CTBP2: variants seen among roughly 807,000 people sequenced by gnomAD.
CTBP2 encodes the protein C-terminal binding protein 2.
Under a neutral mutation model 80.3 loss-of-function variants are expected in CTBP2, and 30 were observed. The ratio of observed to expected loss-of-function variants is 0.37; its 90% CI spans 0.28 to 0.51. CTBP2 has a LOEUF of 0.51. Ranked by LOEUF, CTBP2 falls within the 20% of genes least tolerant of loss-of-function variation. The probability of loss-of-function intolerance (pLI) is 0.93; values close to 1 mark genes in which losing one functional copy is unlikely to be tolerated. For synonymous variants in CTBP2, 594 were observed against 587.4 expected (o/e 1.01, Z -0.16); for missense variants, 1,212 against 1,375.3 (o/e 0.88, Z 1.88).
At chr10:125,067,110 T>A (rs1158082480) in intron 2 of CTBP2, among the ~76,000 whole-genome samples, 1 of 152,184 alleles carries the variant, frequency 6.6e-6, no homozygotes, top group African/African-American at 2.4e-5. Context: ...CTTTCAAGAA[T>A]TTTTTTATTT....
intron 1 of CTBP2, among the ~76,000 whole-genome samples, chr10:125,014,849 G>A (rs1459198440): frequency 2.6e-5 from 4 of 152,202 alleles, no homozygotes; most frequent in Admixed American, 2.6e-4. Flanking sequence ...ACCAGCAGCC[G>A]CCTTGGCCGG....
intron 1 of CTBP2, among the ~76,000 whole-genome samples, chr10:125,118,716 C>G (rs1152698): frequency 0.87 from 116,004 of 133,012 alleles, 49,633 homozygotes; most frequent in Middle Eastern, 0.94. Context: ...AGTGGAGGCG[C>G]TGGGGGGTGG....
At chr10:125,146,646 C>T (rs1002861825) in intron 1 of CTBP2, among the ~76,000 whole-genome samples, 1 of 152,044 alleles carries the variant, frequency 6.6e-6, no homozygotes, top group Non-Finnish European at 1.5e-5. Context: ...ATGAAATGAC[C>T]AGCCCACTCT....
chr10:125,104,588 C>A (rs536595171), intron 2 of CTBP2, among the ~76,000 whole-genome samples: 1 of 152,184 alleles, frequency 6.6e-6, no homozygotes, highest in Non-Finnish European at 1.5e-5. Context: ...AGTCCACTCA[C>A]GGAGGCTACT....
Position 125,086,955 on chromosome 10 carries a change from C to T in CTBP2, c.-102+24035G>A, listed in dbSNP as rs114804994. Among the ~76,000 whole-genome samples the T allele has an allele frequency of 7.8e-3, 1,187 of 152,236 alleles. 18 individuals carry two copies. The highest frequency in any genetic ancestry group is 0.027 in the African/African-American group (1,124 of 41,534). On this transcript the variant is annotated intron_variant, in intron 2 of 10. Coordinates refer to the CTBP2 transcript ENST00000337195. ...CCTGAGGAACAGTCCACGACACACACGTGCGCCCACACACACGATCTCTGA... is the reference window on the plus strand; with the variant it reads ...CCTGAGGAACAGTCCACGACACACATGTGCGCCCACACACACGATCTCTGA...
At chr10:125,140,621 G>A (rs1234026708) in intron 1 of CTBP2, among the ~76,000 whole-genome samples, 4 of 152,074 alleles carry the variant, frequency 2.6e-5, no homozygotes, top group South Asian at 2.1e-4. Flanking sequence ...TCAGGAGTTC[G>A]AGACCAGCCT....
intron 2 of CTBP2, among the ~76,000 whole-genome samples, chr10:125,054,340 TCTTCCCTGCCAA>T (rs926928171): frequency 2.0e-5 from 3 of 152,162 alleles, no homozygotes; most frequent in Non-Finnish European, 2.9e-5. Flanking sequence ...CATCCTCCCA[TCTTCCCTGCCAA>T]CTTCCCTCCC....
At chr10:125,030,722 C>G (rs1344084189), upstream of CTBP2, among the ~76,000 whole-genome samples, 1 of 152,202 alleles carries the variant, frequency 6.6e-6, no homozygotes, top group African/African-American at 2.4e-5. Context: ...GTGTGTCCCT[C>G]TTAACTGTGT....
chr10:125,140,555 G>A (rs1857625772), intron 1 of CTBP2, among the ~76,000 whole-genome samples: 1 of 152,218 alleles, frequency 6.6e-6, no homozygotes, highest in South Asian at 2.1e-4. Context: ...GGGTGCAGTG[G>A]CTCACGCCTG....
At chr10:125,136,418 G>A (rs1399928643) in intron 1 of CTBP2, among the ~76,000 whole-genome samples, 2 of 152,220 alleles carry the variant, frequency 1.3e-5, no homozygotes, top group Non-Finnish European at 2.9e-5. Context: ...GGCAGGAGCA[G>A]GTCAGGCTTG....
At chr10:125,142,129 G>A (rs571242504) in intron 1 of CTBP2, among the ~76,000 whole-genome samples, 20 of 152,300 alleles carry the variant, frequency 1.3e-4, no homozygotes, top group Non-Finnish European at 2.4e-4. Context: ...TGCAGGGGAC[G>A]GGGGCGGTTT....
chr10:125,138,916 C>T (rs2133234446), intron 1 of CTBP2, among the ~76,000 whole-genome samples: 1 of 152,330 alleles, frequency 6.6e-6, no homozygotes, highest in East Asian at 1.9e-4. Context: ...GGTTTCCATA[C>T]AGCAGCTGCC....
In CTBP2 at chr10:125,026,679, C is replaced by G; in HGVS notation, c.1081G>C (p.Gly361Arg). The change falls in exon 1 of 9, where the codon GGG becomes CGG. Residue 361 changes from glycine (G) to arginine (R), a missense_variant. Gly to Arg is a moderately radical substitution (Grantham distance 125, BLOSUM62 -2). Coordinates refer to ENST00000309035, the MANE Select transcript of CTBP2 (RefSeq NM_022802.3). ...GACCGCGCCCGGGGCAGCGGGCCCC[C>G]CCGGTCCTGCCTCCGCAGCTGCATT... 6.2e-7 allele frequency: 1 copy of G among 1,608,502 alleles called. No individual in the cohort carries two copies. The highest frequency in any genetic ancestry group is 8.5e-7 in the Non-Finnish European group (1 of 1,178,042).
chr10:124,994,418 A>G (rs1004282965), intron 5 of CTBP2, 51 bp downstream of exon 7: 1 of 1,576,660 alleles, frequency 6.3e-7, no homozygotes, highest in East Asian at 2.2e-5. Flanking sequence ...CCCACAAGCA[A>G]GTGCTACCAC....
At chr10:125,030,519 C>T (rs985898367), upstream of CTBP2, among the ~76,000 whole-genome samples, 3 of 152,186 alleles carry the variant, frequency 2.0e-5, no homozygotes, top group Admixed American at 1.3e-4. Context: ...GGGTACCCTC[C>T]GACGGAGCAG....
chr10:125,005,628 C>T (rs766808189), intron 1 of CTBP2: 3 of 1,612,826 alleles, frequency 1.9e-6, no homozygotes, highest in Non-Finnish European at 2.5e-6. Flanking sequence ...AGATCCGCAA[C>T]AGCACCGTCA....
rs1957629390 is a variant in CTBP2 at position 125,026,712 on chromosome 10, T to G, written c.1048A>C (p.Arg350=). The G allele has an allele frequency of 6.2e-7, 1 of 1,612,740 alleles. No individual in the cohort carries two copies. The highest frequency in any genetic ancestry group is 1.3e-5 in the African/African-American group (1 of 75,034). ...TGCCTCCGCAGCTGCATTTCGGTCC[T>G]GCAGCTATTGGCCAGGCGGCTCAGA... Residue 350 remains arginine, a synonymous_variant, in exon 1 of 9, where the codon AGG becomes CGG. Transcript: ENST00000309035.
At chr10:125,138,736 A>G (rs1857343518) in intron 1 of CTBP2, among the ~76,000 whole-genome samples, 1 of 151,920 alleles carries the variant, frequency 6.6e-6, no homozygotes, top group African/African-American at 2.4e-5. Context: ...GTATGTTTCC[A>G]GCCAGGATGT....
exon 1 of CTBP2, chr10:125,160,468 G>C (rs1354355636): frequency 6.8e-6 from 1 of 147,618 alleles, no homozygotes; most frequent in Admixed American, 6.9e-5. Flanking sequence ...CTCCCGGTTC[G>C]GTCCCTCGCT....
Sources: gnomAD v4.1 joint callset for allele counts (sites outside exome capture counted in the v4.1 genomes callset) on GRCh38, gnomAD v4.1.1 for gene constraint, MANE v1.5 for transcripts, NCBI Gene and HGNC (gene_info 2026-07-23, HGNC 2026-07-21) for gene names.